TRIO: variants seen among roughly 807,000 people sequenced by gnomAD.
The protein encoded by TRIO is triple functional domain protein.
Under a neutral mutation model 351.9 loss-of-function variants are expected in TRIO, and 58 were observed. The ratio of observed to expected loss-of-function variants is 0.16; its 90% CI spans 0.13 to 0.21. TRIO has a LOEUF of 0.21. Among genes scored for constraint, TRIO ranks in the 10% least tolerant of loss-of-function variants. The pLI is 1.00. For missense variants in TRIO, 3,201 were observed against 4,027.8 expected, an observed-to-expected ratio of 0.79 and a Z score of 5.56; for synonymous variants, 1,758 against 1,595.7, an observed-to-expected ratio of 1.10 and a Z score of -2.42.
At chr5:14,395,509 A>G (rs1747484925) in intron 28 of TRIO, among the ~76,000 whole-genome samples, 1 of 152,204 alleles carries the variant, frequency 6.6e-6, no homozygotes, top group Admixed American at 6.5e-5. Context: ...TGAGCTCCCC[A>G]ACAAGGAAGG....
intron 1 of TRIO, among the ~76,000 whole-genome samples, chr5:14,228,678 A>T (rs1450469404): frequency 6.6e-6 from 1 of 152,220 alleles, no homozygotes; most frequent in East Asian, 1.9e-4. Context: ...TATCTGCTTT[A>T]TCACCACTTG....
intron 34 of TRIO, chr5:14,441,414 T>C (rs1752031774): frequency 1.3e-5 from 2 of 154,702 alleles, no homozygotes; most frequent in South Asian, 2.0e-4. Context: ...CTCTGCCTGC[T>C]TTCTTTCCAG....
chr5:14,300,220 A>G (rs905344770), intron 7 of TRIO, among the ~76,000 whole-genome samples: 1 of 152,236 alleles, frequency 6.6e-6, no homozygotes, highest in African/African-American at 2.4e-5. Context: ...AGCAGATACC[A>G]TTAGAATTAA....
At chr5:14,300,094 A>C (rs1561310072) in intron 7 of TRIO, among the ~76,000 whole-genome samples, 1 of 152,258 alleles carries the variant, frequency 6.6e-6, no homozygotes, top group Non-Finnish European at 1.5e-5. Context: ...ATGTGGACAC[A>C]CAACCACAGT....
intron 1 of TRIO, among the ~76,000 whole-genome samples, chr5:14,221,306 G>A (rs760543563): frequency 2.6e-5 from 4 of 151,962 alleles, no homozygotes; most frequent in Non-Finnish European, 5.9e-5. Flanking sequence ...TGTATAAGAA[G>A]ATTAATGTTG....
intron 16 of TRIO, among the ~76,000 whole-genome samples, chr5:14,367,513 A>G (rs2152343104): frequency 6.6e-6 from 1 of 152,216 alleles, no homozygotes; most frequent in East Asian, 1.9e-4. Context: ...GTTCACCTTG[A>G]CAAGGGTCAC....
At chr5:14,332,642 G>A (rs115646844) in intron 10 of TRIO, among the ~76,000 whole-genome samples, 2 of 152,100 alleles carry the variant, frequency 1.3e-5, no homozygotes, top group Non-Finnish European at 2.9e-5. Flanking sequence ...AGACTGGCAC[G>A]TATTTACAGG....
intron 48 of TRIO, chr5:14,488,614 A>C: frequency 4.1e-6 from 2 of 488,864 alleles, no homozygotes; most frequent in East Asian, 3.3e-5. Context: ...CCTGCTCTCT[A>C]CCTCCTGTTT....
At chr5:14,315,891 G>A (rs1336561115) in intron 8 of TRIO, among the ~76,000 whole-genome samples, 8 of 152,072 alleles carry the variant, frequency 5.3e-5, no homozygotes, top group Non-Finnish European at 1.5e-5. Flanking sequence ...GCACTTGATG[G>A]CATTTTAATT....
chr5:14,412,387 C>T (rs564265982), intron 33 of TRIO, among the ~76,000 whole-genome samples: 2 of 152,314 alleles, frequency 1.3e-5, no homozygotes, highest in African/African-American at 2.4e-5. Flanking sequence ...TAAATTGCAG[C>T]GTCGAGGTAG....
intron 1 of TRIO, among the ~76,000 whole-genome samples, chr5:14,222,284 A>G (rs572854119): frequency 6.6e-6 from 1 of 152,294 alleles, no homozygotes; most frequent in East Asian, 1.9e-4. Flanking sequence ...TTTTATATGC[A>G]CTAGGAAACC....
chr5:14,308,946 A>G (rs976234129), intron 8 of TRIO, among the ~76,000 whole-genome samples: 15 of 151,198 alleles, frequency 9.9e-5, no homozygotes, highest in African/African-American at 3.6e-4. Context: ...CAGTCACCCA[A>G]CCACCTATCC....
At chr5:14,221,756 G>A (rs934548016) in intron 1 of TRIO, among the ~76,000 whole-genome samples, 12 of 151,732 alleles carry the variant, frequency 7.9e-5, no homozygotes, top group African/African-American at 2.9e-4. Flanking sequence ...CAAAGAAAGT[G>A]GTTTTTTGAG....
intron 45 of TRIO, among the ~76,000 whole-genome samples, chr5:14,482,121 T>G (rs1047257014): frequency 6.6e-6 from 1 of 152,012 alleles, no homozygotes; most frequent in African/African-American, 2.4e-5. Context: ...GACTACGGAG[T>G]TAAGGAGGCA....
rs80178298 is a variant in TRIO at position 14,299,890 on chromosome 5, C to G, written c.1368+2627C>G. On this transcript the variant is annotated intron_variant, in intron 7 of 56. Transcript: ENST00000344204. The stretch of plus-strand genomic sequence containing the variant: ...TAAGGATTACAGCTCTTAGCTGCAC[C>G]GTCCGGCCCTGCCCTCTCTCTCCAT... Among the ~76,000 whole-genome samples the G allele has an allele frequency of 7.1e-3, 1,080 of 152,326 alleles. 17 individuals are homozygous for G. The highest frequency in any genetic ancestry group is 0.025 in the African/African-American group (1,041 of 41,584).
At chr5:14,507,538 G>A (rs1264364722) in intron 56 of TRIO, among the ~76,000 whole-genome samples, 3 of 152,156 alleles carry the variant, frequency 2.0e-5, no homozygotes, top group Non-Finnish European at 4.4e-5. Context: ...TGGGTGTGGC[G>A]GGTGCAGTGG....
chr5:14,266,960 T>C (rs543706637), intron 1 of TRIO, among the ~76,000 whole-genome samples: 1 of 152,350 alleles, frequency 6.6e-6, no homozygotes, highest in African/African-American at 2.4e-5. Flanking sequence ...TGTTTCACTG[T>C]TTCCTGAAGC....
In TRIO at chr5:14,421,227, A is replaced by ATTTATTTATTTTATTTTATTTTATTTTAT. The variant is rs57377021; in HGVS notation, c.5203+1213_5203+1214insATTTTATTTTATTTTATTTTATTTTATTT. Among the ~76,000 whole-genome samples, 152 of 118,054 alleles carry ATTTATTTATTTTATTTTATTTTATTTTAT rather than the reference A, an allele frequency of 1.3e-3. 2 individuals carry two copies. Among genetic ancestry groups the ATTTATTTATTTTATTTTATTTTATTTTAT allele is most frequent in the African/African-American group, 4.8e-3 (143 of 29,694 alleles). The allele number at this position is 118,054 out of a possible 152,430, so 77.4% of individuals were successfully genotyped here. On this transcript the variant is annotated intron_variant, in intron 34 of 56. Transcript: ENST00000344204. ...TTTTCCCTTATTTAATTATTTATTT[A>ATTTATTTATTTTATTTTATTTTATTTTAT]TTTATTTTATTTTATTTTATTTTAT... is the stretch of plus-strand genomic sequence containing the variant.
In TRIO at chr5:14,336,552, C is replaced by A; in HGVS notation, c.1871C>A (p.Ala624Glu). Reference sequence around the variant, plus strand: ...CTTGTGCAGAACACATACACCAATGCGGATAAATTACTGGAAGCAGCAGAA... The same window carrying A: ...CTTGTGCAGAACACATACACCAATGAGGATAAATTACTGGAAGCAGCAGAA... ...EEVAQNTYTNADKLLEAAEQL... is the reference protein window; with the variant it reads ...EEVAQNTYTNEDKLLEAAEQL... Residue 624 changes from alanine (A) to glutamate (E), a missense_variant, in exon 11 of 57, where the codon GCG becomes GAG. Transcript: ENST00000344204. 6.2e-7 allele frequency: 1 copy of A among 1,614,100 alleles called. No individual in the cohort carries two copies. The highest frequency in any genetic ancestry group is 8.5e-7 in the Non-Finnish European group (1 of 1,180,030).
Sources: allele counts gnomAD v4.1 joint callset (sites outside exome capture counted in the v4.1 genomes callset), GRCh38; gene constraint gnomAD v4.1.1; transcripts MANE v1.5; gene names NCBI Gene and HGNC (gene_info 2026-07-23, HGNC 2026-07-21).